Variants in CAB39L observed in about 807,000 individuals in gnomAD.
CAB39L encodes the protein calcium binding protein 39 like.
Under a neutral mutation model 39.1 loss-of-function variants are expected in CAB39L, and 23 were observed. That is an observed-to-expected ratio of 0.59 (90% CI 0.42 to 0.83). The LOEUF (loss-of-function observed/expected upper bound fraction) is 0.83, where lower values mean the gene tolerates loss of function less well. Ranked by LOEUF, CAB39L falls within the 40% of genes least tolerant of loss-of-function variation. CAB39L has a pLI of 0.00. For missense variants in CAB39L, 366 were observed against 391.9 expected (o/e 0.93, Z 0.56); for synonymous variants, 126 against 137.2 (o/e 0.92, Z 0.57).
At chr13:49,337,939 G>A (rs1954893223) in intron 9 of CAB39L, among the ~76,000 whole-genome samples, 1 of 152,122 alleles carries the variant, frequency 6.6e-6, no homozygotes, top group Non-Finnish European at 1.5e-5. Context: ...TCATATGTCT[G>A]GAGAATGAGC....
At chr13:49,381,297 AGACCG>A (rs1213602565) in intron 4 of CAB39L, among the ~76,000 whole-genome samples, 1 of 152,246 alleles carries the variant, frequency 6.6e-6, no homozygotes, top group African/African-American at 2.4e-5. Flanking sequence ...AATGTACTAA[AGACCG>A]GAAGCATCTT....
At chr13:49,331,808 A>T (rs2138393131) in intron 10 of CAB39L, 139 bp downstream of exon 10, 1 of 763,494 alleles carries the variant, frequency 1.3e-6, no homozygotes, top group East Asian at 2.6e-5. Context: ...CTGAAATTTC[A>T]TCTAAATCAT....
intron 10 of CAB39L, among the ~76,000 whole-genome samples, chr13:49,327,156 C>T (rs575390893): frequency 1.5e-5 from 2 of 135,014 alleles, no homozygotes; most frequent in East Asian, 2.5e-4. Context: ...CCATACTTGC[C>T]TTCAGATTTT....
intron 10 of CAB39L, among the ~76,000 whole-genome samples, chr13:49,328,457 T>C (rs1245198953): frequency 1.3e-5 from 2 of 152,246 alleles, no homozygotes; most frequent in Non-Finnish European, 2.9e-5. Flanking sequence ...TTGTCAGTTA[T>C]ATATGTCACA....
At chr13:49,330,934 G>A (rs1017553099) in intron 10 of CAB39L, among the ~76,000 whole-genome samples, 1 of 152,078 alleles carries the variant, frequency 6.6e-6, no homozygotes, top group Non-Finnish European at 1.5e-5. Context: ...ACACTATGAT[G>A]GTGAGAAATA....
intron 10 of CAB39L, among the ~76,000 whole-genome samples, chr13:49,313,525 G>A (rs1038235192): frequency 1.3e-5 from 2 of 151,544 alleles, no homozygotes; most frequent in Non-Finnish European, 2.9e-5. Flanking sequence ...CTACCTCCCA[G>A]ATACGTCAAC....
rs562369398 is a variant in CAB39L at position 49,358,411 on chromosome 13, T to C, written c.395+1303A>G. Among the ~76,000 whole-genome samples, 46 of 152,304 alleles carry C rather than the reference T, an allele frequency of 3.0e-4. 1 individual carries two copies. Among genetic ancestry groups the C allele is most frequent in the African/African-American group, 1.1e-3 (45 of 41,558 alleles). ...AGTAAAAAGACTATCATCTAGTTTA[T>C]CTTGTCAAAGATACTGCTTAAAATT... is the stretch of plus-strand genomic sequence containing the variant. On this transcript the variant is annotated intron_variant, in intron 6 of 10. Transcript: ENST00000409308.
chr13:49,424,083 TCCAAGTAATTAGCAGGTGGAA>T (rs1957211227), intron 3 of CAB39L, among the ~76,000 whole-genome samples: 1 of 152,180 alleles, frequency 6.6e-6, no homozygotes, highest in African/African-American at 2.4e-5. Flanking sequence ...GCAGAAGAAT[TCCAAGTAATTAGCAGGTGGAA>T]CATAACTCCC....
chr13:49,433,011 A>G (rs1458615883), intron 3 of CAB39L, among the ~76,000 whole-genome samples: 1 of 152,176 alleles, frequency 6.6e-6, no homozygotes, highest in South Asian at 2.1e-4. Flanking sequence ...CTCACAGGAT[A>G]TATTATACTT....
chr13:49,366,641 A>AC (rs1173456702), intron 5 of CAB39L, among the ~76,000 whole-genome samples: 2 of 150,248 alleles, frequency 1.3e-5, no homozygotes, highest in Non-Finnish European at 3.0e-5. Context: ...AAAAAAAAAA[A>AC]AAAAAAAACC....
intron 5 of CAB39L, among the ~76,000 whole-genome samples, chr13:49,365,785 CT>C (rs1212885546): frequency 6.6e-6 from 1 of 152,122 alleles, no homozygotes; most frequent in African/African-American, 2.4e-5. Flanking sequence ...TTTAGCAATC[CT>C]ACTCTTAGGT....
At chr13:49,433,776 C>T (rs1450352145) in intron 2 of CAB39L, among the ~76,000 whole-genome samples, 1 of 152,152 alleles carries the variant, frequency 6.6e-6, no homozygotes, top group African/African-American at 2.4e-5. Flanking sequence ...GAAGGCTTTC[C>T]TGACTGAAGG....
At chr13:49,415,438 T>C (rs1179259822) in intron 3 of CAB39L, among the ~76,000 whole-genome samples, 1 of 151,334 alleles carries the variant, frequency 6.6e-6, no homozygotes, top group East Asian at 1.9e-4. Flanking sequence ...GGAGAATCAC[T>C]TGAATCTGGG....
intron 4 of CAB39L, among the ~76,000 whole-genome samples, chr13:49,381,493 T>C (rs1355738388): frequency 8.5e-5 from 13 of 152,192 alleles, no homozygotes; most frequent in Admixed American, 8.5e-4. Context: ...TAAATATTTT[T>C]ATATCTCTTG....
chr13:49,382,577 G>T (rs1046204326), intron 4 of CAB39L: 1 of 418,692 alleles, frequency 2.4e-6, no homozygotes, highest in Non-Finnish European at 4.3e-6. Context: ...TAGTCTAGAG[G>T]GATCCGGTGT....
intron 8 of CAB39L, among the ~76,000 whole-genome samples, chr13:49,343,416 T>TG (rs1243725122): frequency 2.6e-5 from 4 of 152,154 alleles, no homozygotes; most frequent in Non-Finnish European, 5.9e-5. Context: ...AGGCAGGTCT[T>TG]GAAGCCAAGC....
At chr13:49,320,282 A>G (rs1217612270) in intron 10 of CAB39L, among the ~76,000 whole-genome samples, 1 of 152,166 alleles carries the variant, frequency 6.6e-6, no homozygotes, top group Non-Finnish European at 1.5e-5. Flanking sequence ...TTTTTAAAAA[A>G]TGTAATTTTC....
At chr13:49,384,919 A>G (rs1163667541) in intron 3 of CAB39L, among the ~76,000 whole-genome samples, 1 of 152,216 alleles carries the variant, frequency 6.6e-6, no homozygotes, top group African/African-American at 2.4e-5. Context: ...TAGATTTAGC[A>G]TAATTCTTAA....
intron 7 of CAB39L, among the ~76,000 whole-genome samples, chr13:49,345,140 TA>T (rs1418484487): frequency 2.6e-5 from 4 of 152,146 alleles, no homozygotes; most frequent in Admixed American, 6.5e-5. Flanking sequence ...AAAATTTAAT[TA>T]AAAACATAAC....
Sources: gnomAD v4.1 joint callset for allele counts (sites outside exome capture counted in the v4.1 genomes callset) on GRCh38, gnomAD v4.1.1 for gene constraint, MANE v1.5 for transcripts, NCBI Gene and HGNC (gene_info 2026-07-23, HGNC 2026-07-21) for gene names.